Variants in CLTC observed in about 807,000 individuals in gnomAD.
CLTC encodes the protein clathrin heavy chain 1.
In CLTC, 16 loss-of-function variants were observed where a neutral mutation model predicts 195.8. The observed-to-expected ratio is 0.08, with a 90% confidence interval of 0.06 to 0.12. The LOEUF is 0.12. Ranked by LOEUF, CLTC falls within the 10% of genes least tolerant of loss-of-function variation. CLTC has a pLI of 1.00. For missense variants in CLTC, 796 were observed against 2,027.0 expected (o/e 0.39, Z 11.66); for synonymous variants, 667 against 689.4 (o/e 0.97, Z 0.51).
Position 59,690,348 on chromosome 17 carries a change from G to A in CLTC, c.4828-288G>A, listed in dbSNP as rs145842842. ...TTCATTTGAAAAGTGGTTCCTTCTC[G>A]TTTTCTCCCTCCCTCAGGCTGCATC... On this transcript the variant is annotated intron_variant, in intron 30 of 31. Transcript: ENST00000269122. 1,387 of 289,138 alleles carry A rather than the reference G, an allele frequency of 4.8e-3. 15 individuals carry two copies. The highest frequency in any genetic ancestry group is 0.026 in the African/African-American group (1,187 of 46,034). 17.9% of individuals were successfully genotyped at this position (289,138 alleles called of 1,614,324 possible). A position where few individuals can be genotyped will look rare whatever the true frequency, so the allele number is the denominator to read the frequency against.
At chr17:59,644,247 G>A in intron 1 of CLTC, 29 bp from the exon 2 acceptor site, 1 of 1,592,606 alleles carries the variant, frequency 6.3e-7, no homozygotes, top group Non-Finnish European at 8.6e-7. Context: ...AATCCACTTG[G>A]TAACATGGTT....
chr17:59,624,710 C>T (rs545870076), intron 1 of CLTC, among the ~76,000 whole-genome samples: 14 of 152,202 alleles, frequency 9.2e-5, no homozygotes, highest in African/African-American at 3.1e-4. Flanking sequence ...TTCAAATGAT[C>T]TGCCCACCTC....
intron 1 of CLTC, among the ~76,000 whole-genome samples, chr17:59,633,675 T>C (rs1429111467): frequency 6.6e-6 from 1 of 151,906 alleles, no homozygotes; most frequent in African/African-American, 2.4e-5. Flanking sequence ...AAAGATAACA[T>C]GAATATGTAC....
At chr17:59,691,014 G>A (rs1339715522) in intron 31 of CLTC, among the ~76,000 whole-genome samples, 1 of 152,152 alleles carries the variant, frequency 6.6e-6, no homozygotes, top group African/African-American at 2.4e-5. Flanking sequence ...AAATATTGAT[G>A]AATTCCATTT....
At chr17:59,623,256 G>A (rs148790169) in intron 1 of CLTC, among the ~76,000 whole-genome samples, 78 of 152,240 alleles carry the variant, frequency 5.1e-4, no homozygotes, top group African/African-American at 1.7e-3. Context: ...TAGTTAGTTC[G>A]GATTGTGAAT....
In CLTC at chr17:59,682,978, T is replaced by C; in HGVS notation, c.3837T>C (p.His1279=). The C allele has an allele frequency of 6.2e-7, 1 of 1,614,184 alleles. No homozygotes were observed. Among genetic ancestry groups the C allele is most frequent in the South Asian group, 1.1e-5 (1 of 91,090 alleles). The part of the protein sequence containing the change: ...AQMCGLHIVV[H]ADELEELINY... ...TGTGTGGACTTCATATTGTTGTACA[T>C]GCAGATGAATTAGAAGAACTTATCA... The change falls in exon 24 of 32, where the codon CAT becomes CAC. Residue 1279 remains histidine (H), a synonymous_variant. Coordinates refer to ENST00000269122, the MANE Select transcript of CLTC (RefSeq NM_004859.4). The surrounding 1 kb of genome is among the most constrained non-coding windows in gnomAD (Gnocchi z 6.8).
intron 1 of CLTC, among the ~76,000 whole-genome samples, chr17:59,624,254 A>AGAAATTG (rs2031474327): frequency 1.3e-5 from 2 of 152,148 alleles, no homozygotes. Context: ...AATATTTCAA[A>AGAAATTG]GAAATTGGAT....
intron 31 of CLTC, among the ~76,000 whole-genome samples, chr17:59,691,593 C>G (rs1341163837): frequency 6.7e-6 from 1 of 149,748 alleles, no homozygotes; most frequent in Non-Finnish European, 1.5e-5. Flanking sequence ...CACTGCAGTC[C>G]AGCCTGGGTG....
intron 1 of CLTC, among the ~76,000 whole-genome samples, chr17:59,635,051 A>G (rs750966433): frequency 6.6e-6 from 1 of 152,240 alleles, no homozygotes. Context: ...TGAGAGATGA[A>G]TGGTATCAGA....
chr17:59,685,499 A>G lies in CLTC; in HGVS notation c.4606-88A>G, dbSNP rs1222923937. The G allele has an allele frequency of 2.5e-6, 3 of 1,211,960 alleles. No homozygotes were observed. The highest frequency in any genetic ancestry group is 3.5e-6 in the Non-Finnish European group (3 of 858,732). The allele number at this position is 1,211,960 out of a possible 1,614,324, so 75.1% of individuals were successfully genotyped here. A position where few individuals can be genotyped will look rare whatever the true frequency, so the allele number is the denominator to read the frequency against. The stretch of plus-strand genomic sequence containing the variant: ...TTTTTCCCCTTGCAAAACCAGATTT[A>G]TATTGGAAAGTTTCCATTGTTTTTC... On this transcript the variant is annotated intron_variant, in intron 29 of 31. Transcript: ENST00000269122. This position sits in a 1 kb window ranked among gnomAD's most constrained non-coding sequence, Gnocchi z 5.0.
At chr17:59,624,520 G>T (rs556295511) in intron 1 of CLTC, among the ~76,000 whole-genome samples, 2 of 128,766 alleles carry the variant, frequency 1.6e-5, no homozygotes, top group South Asian at 5.2e-4. Flanking sequence ...CTAGACTAGT[G>T]TGCAGTGGTG....
In CLTC at chr17:59,684,000, T is replaced by C. The variant is rs775136103; in HGVS notation, c.4434+15T>C. 2 of 1,432,834 alleles carry C rather than the reference T, an allele frequency of 1.4e-6. No homozygotes were observed. The highest frequency in any genetic ancestry group is 1.4e-5 in the African/African-American group (1 of 71,192). The allele number at this position is 1,432,834 out of a possible 1,614,324, so 88.8% of individuals were successfully genotyped here. On this transcript the variant is annotated intron_variant, in intron 28 of 31. Transcript: ENST00000269122. This position sits in a 1 kb window ranked among gnomAD's most constrained non-coding sequence, Gnocchi z 6.1. ...AAGATTATCAGGTAAAACCTTTTGA[T>C]TCTTGCACATAATCTCAAGACTCAT...
intron 30 of CLTC, chr17:59,687,038 T>C: frequency 1.0e-6 from 1 of 985,898 alleles, no homozygotes; most frequent in Non-Finnish European, 1.2e-6. Context: ...GTTGATTCTT[T>C]AACATCTTTA....
intron 1 of CLTC, among the ~76,000 whole-genome samples, chr17:59,640,737 A>G (rs184946811): frequency 5.9e-5 from 9 of 152,034 alleles, no homozygotes; most frequent in African/African-American, 1.9e-4. Context: ...TAGGAAGGCT[A>G]TATAGGAAGG....
At position 59,683,401 on chromosome 17, in the gene CLTC, A is replaced by C; in HGVS notation, c.4056A>C (p.Ala1352=). 6.2e-7 allele frequency: 1 copy of C among 1,613,042 alleles called. No individual in the cohort carries two copies. Among genetic ancestry groups the C allele is most frequent in the Non-Finnish European group, 8.5e-7 (1 of 1,179,504 alleles). Residue 1352 remains alanine (A), a synonymous_variant, in exon 26 of 32, where the codon GCA becomes GCC. Transcript: ENST00000269122. The surrounding 1 kb of genome is among the most constrained non-coding windows in gnomAD (Gnocchi z 6.1). ...RVNIPKVLRA[A]EQAHLWAELV... is the part of the protein sequence containing the mutation. ...TTCTTATGCAGGTGCTAAGAGCTGC[A>C]GAACAAGCTCATCTTTGGGCAGAAC... is the stretch of plus-strand genomic sequence containing the variant.
chr17:59,687,113 G>C (rs2033201123), intron 30 of CLTC: 1 of 620,192 alleles, frequency 1.6e-6, no homozygotes, highest in Non-Finnish European at 2.0e-6. Flanking sequence ...CACTGCTGCT[G>C]CTGCTTTTTC....
Position 59,679,387 on chromosome 17 carries a change from T to C in CLTC, c.2797-10T>C. 1 of 1,591,648 alleles carries C rather than the reference T, an allele frequency of 6.3e-7. No homozygotes were observed. Among genetic ancestry groups the C allele is most frequent in the African/African-American group, 1.3e-5 (1 of 74,506 alleles). ...TTTACCTTGAAATTAATCTATCATA[T>C]CTTCTTTAGGTTTGCAATGAGAATT... On this transcript the variant is annotated splice_polypyrimidine_tract_variant and intron_variant, in intron 17 of 31. Coordinates refer to ENST00000269122, the MANE Select transcript of CLTC (RefSeq NM_004859.4).
At chr17:59,645,004 T>G (rs1163811796) in intron 2 of CLTC, among the ~76,000 whole-genome samples, 1 of 152,260 alleles carries the variant, frequency 6.6e-6, no homozygotes, top group Non-Finnish European at 1.5e-5. Flanking sequence ...GTGGAATGTC[T>G]TAACATATAT....
At chr17:59,629,509 GA>G (rs1459507688) in intron 1 of CLTC, among the ~76,000 whole-genome samples, 1 of 145,460 alleles carries the variant, frequency 6.9e-6, no homozygotes, top group Non-Finnish European at 1.5e-5. Context: ...CATGTTTCTA[GA>G]GATCATAATT....
Sources: allele counts gnomAD v4.1 joint callset (sites outside exome capture counted in the v4.1 genomes callset), GRCh38; gene constraint gnomAD v4.1.1; non-coding constraint Gnocchi (gnomAD v3.1); transcripts MANE v1.5; gene names NCBI Gene and HGNC (gene_info 2026-07-23, HGNC 2026-07-21).